Variants in LMLN observed in about 807,000 individuals in gnomAD.
LMLN encodes the protein leishmanolysin-like peptidase.
In LMLN, 70 loss-of-function variants were observed where a neutral mutation model predicts 92.3. The ratio of observed to expected loss-of-function variants is 0.76; its 90% CI spans 0.63 to 0.92. LMLN has a LOEUF of 0.92. Among genes scored for constraint, LMLN ranks in the 40% least tolerant of loss-of-function variants. The probability of loss-of-function intolerance (pLI) is 0.00; values close to 1 mark genes in which losing one functional copy is unlikely to be tolerated. For synonymous variants in LMLN, 308 were observed against 296.2 expected (o/e 1.04, Z -0.41); for missense variants, 691 against 814.6 (o/e 0.85, Z 1.85).
intron 9 of LMLN, among the ~76,000 whole-genome samples, chr3:197,992,670 G>T (rs536565914): frequency 6.6e-6 from 1 of 152,246 alleles, no homozygotes; most frequent in Admixed American, 6.5e-5. Context: ...GAGAAGCCCA[G>T]GACCAGGTTC....
At chr3:198,012,900 T>A (rs1236341171) in intron 11 of LMLN, among the ~76,000 whole-genome samples, 2 of 128,970 alleles carry the variant, frequency 1.6e-5, no homozygotes, top group African/African-American at 7.6e-5. Flanking sequence ...CTAGTCTGAC[T>A]TCTCTGTACC....
chr3:198,036,030 A>T, exon 15 of LMLN: 1 of 1,613,378 alleles, frequency 6.2e-7, no homozygotes, highest in Non-Finnish European at 8.5e-7. Flanking sequence ...ACCTGACCCG[A>T]GCTCTGCCAC....
At chr3:197,985,567 A>C in intron 7 of LMLN, 1 of 318,644 alleles carries the variant, frequency 3.1e-6, no homozygotes, top group Non-Finnish European at 5.7e-6. Flanking sequence ...TATATAATAC[A>C]TTTTAGAAAA....
chr3:198,042,389 GA>G lies in LMLN; in HGVS notation c.*3733del, dbSNP rs113976785. On this transcript the variant is annotated 3_prime_UTR_variant, in exon 16 of 16. Coordinates refer to ENST00000330198, the Ensembl canonical transcript of LMLN. The surrounding 1 kb of genome is among the most constrained non-coding windows in gnomAD (Gnocchi z 4.2). ...GGATGACAGAGTGAGACTTTCTTGG[GA>G]AAAAAAAAAATGACAGTGAAGCAGA... 0.027 allele frequency: 3,994 copies of G among 145,412 alleles called. 193 individuals carry two copies. The highest frequency in any genetic ancestry group is 0.095 in the African/African-American group (3,804 of 40,000). The allele number at this position is 145,412 out of a possible 1,614,324, so 9.0% of individuals were successfully genotyped here.
In LMLN at chr3:197,986,979, A is replaced by G. The variant is rs1302115773; in HGVS notation, c.929+1089A>G. On this transcript the variant is annotated intron_variant, in intron 8 of 15. Transcript: ENST00000330198. ...CTCAGCCTCCCTAGTAGCTGGGACT[A>G]CAGGCACCTGCAACCATGCCCGGCT... Among the ~76,000 whole-genome samples, 6 of 148,770 alleles carry G rather than the reference A, an allele frequency of 4.0e-5. No individual in the cohort carries two copies. The South Asian group carries it at 8.5e-4, about 21-fold the overall frequency.
rs138374833 is a variant in LMLN at position 198,042,547 on chromosome 3, C to A, written c.*3880C>A. ...CTTCATGTTAGCAAAGACGAAGCCA[C>A]GTCGCTGTGTTAAGAGGGACAGGCT... On this transcript the variant is annotated 3_prime_UTR_variant, in exon 16 of 16. Coordinates refer to ENST00000330198, the Ensembl canonical transcript of LMLN. This position sits in a 1 kb window ranked among gnomAD's most constrained non-coding sequence, Gnocchi z 4.2. 1 of 152,148 alleles carries A rather than the reference C, an allele frequency of 6.6e-6. No homozygotes were observed. Among genetic ancestry groups the A allele is most frequent in the Non-Finnish European group, 1.5e-5 (1 of 68,022 alleles). 9.4% of individuals were successfully genotyped at this position (152,148 alleles called of 1,614,324 possible). A position where few individuals can be genotyped will look rare whatever the true frequency, so the allele number is the denominator to read the frequency against.
At chr3:197,984,206 A>T (rs892300874) in intron 7 of LMLN, among the ~76,000 whole-genome samples, 158 bp downstream of exon 7, 21 of 151,944 alleles carry the variant, frequency 1.4e-4, no homozygotes, top group Admixed American at 7.9e-4. Context: ...ATAATAATAA[A>T]AAATTCAAAA....
At chr3:198,038,753 C>A in exon 16 of LMLN, 1 of 1,003,942 alleles carries the variant, frequency 1.0e-6, no homozygotes, top group Non-Finnish European at 1.6e-6. Context: ...CCAACCTATG[C>A]AGATGGTAGA....
At chr3:198,027,020 A>G (rs1722951735) in intron 14 of LMLN, among the ~76,000 whole-genome samples, 1 of 152,118 alleles carries the variant, frequency 6.6e-6, no homozygotes, top group African/African-American at 2.4e-5. Context: ...ATGAGTTTGC[A>G]TCAGTAAGGT....
At chr3:198,027,722 A>G (rs1347532558) in intron 14 of LMLN, among the ~76,000 whole-genome samples, 1 of 152,208 alleles carries the variant, frequency 6.6e-6, no homozygotes, top group East Asian at 1.9e-4. Context: ...TGTCTCAATA[A>G]CACTCCATTG....
chr3:198,024,317 G>A (rs1468625821), intron 13 of LMLN, among the ~76,000 whole-genome samples: 6 of 150,090 alleles, frequency 4.0e-5, no homozygotes, highest in Non-Finnish European at 7.4e-5. Flanking sequence ...CCGGGTTCAC[G>A]CCATTCTCCT....
At chr3:197,997,625 T>C (rs112062729) in intron 10 of LMLN, among the ~76,000 whole-genome samples, 162 of 152,352 alleles carry the variant, frequency 1.1e-3, no homozygotes, top group Middle Eastern at 3.4e-3. Flanking sequence ...CATTTTTGTA[T>C]TGCTGTGTTT....
chr3:198,018,481 G>T (rs1046035214), intron 11 of LMLN, among the ~76,000 whole-genome samples: 3 of 152,176 alleles, frequency 2.0e-5, no homozygotes, highest in African/African-American at 7.2e-5. Flanking sequence ...CAAAGCCTTT[G>T]CTTTCCTGTT....
At position 198,035,876 on chromosome 3, in the gene LMLN, C is replaced by G. The variant is rs771164005; in HGVS notation, c.1700C>G (p.Thr567Ser). Reference sequence around the variant, plus strand: ...GGTCTGAAAGTTTGGGTCCAAGATACTTCATATTTGTGTAGTCGGGCTGGG... The same window carrying G: ...GGTCTGAAAGTTTGGGTCCAAGATAGTTCATATTTGTGTAGTCGGGCTGGG... Residue 567 changes from threonine to serine, a missense_variant, in exon 15 of 16, where the codon ACT becomes AGT. Transcript: ENST00000330198. 33 of 1,613,754 alleles carry G rather than the reference C, an allele frequency of 2.0e-5. No homozygotes were observed. Among genetic ancestry groups the G allele is most frequent in the Non-Finnish European group, 2.2e-5 (26 of 1,179,992 alleles).
At chr3:198,029,414 T>C (rs1327738180) in intron 14 of LMLN, among the ~76,000 whole-genome samples, 2 of 152,186 alleles carry the variant, frequency 1.3e-5, no homozygotes, top group African/African-American at 4.8e-5. Flanking sequence ...CTGTGACTCA[T>C]GCCTGTAATC....
intron 7 of LMLN, 130 bp downstream of exon 7, chr3:197,984,178 AAAACTT>A: frequency 1.9e-6 from 1 of 539,132 alleles, no homozygotes; most frequent in Non-Finnish European, 3.3e-6. Context: ...CATGTACCCT[AAAACTT>A]AAAGTATAAT....
intron 1 of LMLN, among the ~76,000 whole-genome samples, chr3:197,964,486 C>T (rs1720995643): frequency 6.6e-6 from 1 of 151,110 alleles, no homozygotes; most frequent in South Asian, 2.1e-4. Flanking sequence ...GCAACCTCGG[C>T]TTCCTGGGTT....
At chr3:197,986,825 A>ATGTT (rs1411020692) in intron 8 of LMLN, among the ~76,000 whole-genome samples, 1 of 150,794 alleles carries the variant, frequency 6.6e-6, no homozygotes. Flanking sequence ...AATGTTCTGT[A>ATGTT]TGTTTGAAAA....
chr3:198,033,590 C>T (rs553984463), intron 14 of LMLN, among the ~76,000 whole-genome samples: 40 of 152,030 alleles, frequency 2.6e-4, no homozygotes, highest in African/African-American at 7.7e-4. Context: ...TTAGTAGAGA[C>T]GGGGTTTCAC....
Sources: gnomAD v4.1 joint callset for allele counts (sites outside exome capture counted in the v4.1 genomes callset) on GRCh38, gnomAD v4.1.1 for gene constraint, Gnocchi (gnomAD v3.1) non-coding constraint, MANE v1.5 for transcripts, NCBI Gene and HGNC (gene_info 2026-07-23, HGNC 2026-07-21) for gene names.